Variants in PIP5K1B observed in about 807,000 individuals in gnomAD.
PIP5K1B encodes phosphatidylinositol 4-phosphate 5-kinase type-1 beta.
Under a neutral mutation model 67.0 loss-of-function variants are expected in PIP5K1B, and 42 were observed. The ratio of observed to expected loss-of-function variants is 0.63; its 90% CI spans 0.49 to 0.81. The LOEUF (loss-of-function observed/expected upper bound fraction) is 0.81, where lower values mean the gene tolerates loss of function less well. PIP5K1B is among the 30% of genes least tolerant of loss of function. The probability of loss-of-function intolerance (pLI) is 0.00; values close to 1 mark genes in which losing one functional copy is unlikely to be tolerated. For missense variants in PIP5K1B, 459 were observed against 646.3 expected (o/e 0.71, Z 3.14); for synonymous variants, 214 against 231.4 (o/e 0.92, Z 0.68).
chr9:68,877,498 C>T (rs1823956839), intron 6 of PIP5K1B, among the ~76,000 whole-genome samples: 1 of 152,154 alleles, frequency 6.6e-6, no homozygotes, highest in Non-Finnish European at 1.5e-5. Flanking sequence ...CTGGGGGCTC[C>T]TCAGAATTGG....
rs149533041 is a variant in PIP5K1B, at chr9:68,981,327, G to A, written c.1503-9813G>A. On this transcript the variant is annotated intron_variant, in intron 14 of 15. Transcript: ENST00000265382. ...GGAAGAAGACACAGGGTAGAAGAGG[G>A]TAAATGTCCCTCATAGTGAATCAAT... Among the ~76,000 whole-genome samples, 704 of 152,232 alleles carry A rather than the reference G, an allele frequency of 4.6e-3. 3 individuals are homozygous for A. Among genetic ancestry groups the A allele is most frequent in the African/African-American group, 0.016 (658 of 41,526 alleles).
intron 6 of PIP5K1B, 55 bp from the exon 7 acceptor site, chr9:68,888,926 G>A (rs1336266283): frequency 1.6e-6 from 2 of 1,245,696 alleles, no homozygotes; most frequent in African/African-American, 1.5e-5. Flanking sequence ...GTCCTCCTTG[G>A]AGGCATCACG....
intron 4 of PIP5K1B, among the ~76,000 whole-genome samples, chr9:68,838,493 T>C (rs1175204642): frequency 6.6e-6 from 1 of 152,258 alleles, no homozygotes; most frequent in Non-Finnish European, 1.5e-5. Context: ...ACTCTAGTGC[T>C]TCCATTAGTA....
rs1231184652 is a variant in PIP5K1B at position 68,924,405 on chromosome 9, A to G, written c.1201+1019A>G. On this transcript the variant is annotated intron_variant, in intron 12 of 15. Transcript: ENST00000265382. ...CAACAGAGTGACACTGCGCCTCAAAAAAAAAAAAAAAAAAAAAAAATGAAA... is the reference window on the plus strand; with the variant it reads ...CAACAGAGTGACACTGCGCCTCAAAGAAAAAAAAAAAAAAAAAAAATGAAA... 5.0e-3 allele frequency among the ~76,000 whole-genome samples: 731 copies of G among 146,986 alleles called. 5 individuals are homozygous for G. The highest frequency in any genetic ancestry group is 0.011 in the African/African-American group (441 of 40,512).
chr9:68,843,715 G>C (rs1380673228), intron 4 of PIP5K1B, among the ~76,000 whole-genome samples: 1 of 152,192 alleles, frequency 6.6e-6, no homozygotes, highest in Non-Finnish European at 1.5e-5. Flanking sequence ...CTCTACTCCT[G>C]TTGGGAAAAC....
intron 1 of PIP5K1B, among the ~76,000 whole-genome samples, chr9:68,737,082 G>C (rs1828775655): frequency 6.6e-6 from 1 of 152,092 alleles, no homozygotes; most frequent in African/African-American, 2.4e-5. Flanking sequence ...AGGTTTCCTG[G>C]AACAAAGAGC....
At chr9:68,772,263 A>G (rs1439210977) in intron 2 of PIP5K1B, among the ~76,000 whole-genome samples, 1 of 152,226 alleles carries the variant, frequency 6.6e-6, no homozygotes, top group Non-Finnish European at 1.5e-5. Flanking sequence ...AAGGAGCAGT[A>G]ACTACTGAGA....
intron 14 of PIP5K1B, among the ~76,000 whole-genome samples, chr9:68,974,302 C>T (rs182445067): frequency 2.2e-4 from 34 of 152,314 alleles, no homozygotes; most frequent in Admixed American, 1.9e-3. Flanking sequence ...AGTATAGGCT[C>T]TAGAATCACC....
At chr9:68,707,739 T>A (rs1369191097) in intron 1 of PIP5K1B, 3 of 152,170 alleles carry the variant, frequency 2.0e-5, no homozygotes, top group Non-Finnish European at 4.4e-5. Flanking sequence ...TCATTTCAGT[T>A]CTGATAGCAA....
At chr9:69,005,734 T>C (rs951747464) in intron 15 of PIP5K1B, among the ~76,000 whole-genome samples, 9 of 152,166 alleles carry the variant, frequency 5.9e-5, no homozygotes, top group African/African-American at 2.2e-4. Context: ...CATAGTCATC[T>C]GGCCCAAGCT....
At chr9:68,895,265 TAAAAA>T (rs11342436) in intron 8 of PIP5K1B, among the ~76,000 whole-genome samples, 3 of 121,114 alleles carry the variant, frequency 2.5e-5, no homozygotes, top group Non-Finnish European at 3.4e-5. Context: ...TGCAATGCTT[TAAAAA>T]AAAAAAAAAA....
chr9:68,790,622 A>C (rs1831910299), intron 2 of PIP5K1B, among the ~76,000 whole-genome samples: 1 of 152,150 alleles, frequency 6.6e-6, no homozygotes, highest in Non-Finnish European at 1.5e-5. Context: ...ACACACACGC[A>C]CCCACTCACT....
chr9:68,899,399 G>A (rs1468591259), intron 8 of PIP5K1B, among the ~76,000 whole-genome samples: 1 of 152,132 alleles, frequency 6.6e-6, no homozygotes, highest in Non-Finnish European at 1.5e-5. Context: ...GTTCTTAGTA[G>A]GTACTTAGTA....
At chr9:68,988,701 T>C (rs1282665006) in intron 14 of PIP5K1B, among the ~76,000 whole-genome samples, 1 of 152,138 alleles carries the variant, frequency 6.6e-6, no homozygotes, top group Non-Finnish European at 1.5e-5. Flanking sequence ...TCTGCCCGCC[T>C]TGGCCTCCCA....
chr9:68,977,593 T>C (rs1201675749), intron 14 of PIP5K1B, among the ~76,000 whole-genome samples: 1 of 152,082 alleles, frequency 6.6e-6, no homozygotes, highest in Non-Finnish European at 1.5e-5. Flanking sequence ...TTGTCTTGGA[T>C]GTTATTTTGG....
At chr9:68,731,220 A>C (rs991687870) in intron 1 of PIP5K1B, among the ~76,000 whole-genome samples, 1 of 152,222 alleles carries the variant, frequency 6.6e-6, no homozygotes, top group African/African-American at 2.4e-5. Context: ...CAGTTTGTGA[A>C]TATCTGTTGT....
At chr9:68,878,013 CTGTGTG>C (rs35871698) in intron 6 of PIP5K1B, among the ~76,000 whole-genome samples, 2,633 of 142,078 alleles carry the variant, frequency 0.019, 42 homozygotes, top group Admixed American at 0.038. Flanking sequence ...CGCATTTGTT[CTGTGTG>C]TGTGTGTGTG....
intron 2 of PIP5K1B, among the ~76,000 whole-genome samples, chr9:68,747,770 T>A (rs925838139): frequency 6.6e-6 from 1 of 152,102 alleles, no homozygotes; most frequent in African/African-American, 2.4e-5. Flanking sequence ...CAGTCCAGGG[T>A]CATATAAAAT....
chr9:68,721,619 T>C (rs912435821), intron 1 of PIP5K1B, among the ~76,000 whole-genome samples: 5 of 152,248 alleles, frequency 3.3e-5, no homozygotes, highest in Non-Finnish European at 5.9e-5. Flanking sequence ...GTAAGATCAA[T>C]CCATGATGGA....
Sources: allele counts gnomAD v4.1 joint callset (sites outside exome capture counted in the v4.1 genomes callset), GRCh38; gene constraint gnomAD v4.1.1; transcripts MANE v1.5; gene names NCBI Gene and HGNC (gene_info 2026-07-23, HGNC 2026-07-21).